SLC6A17: variants seen among roughly 807,000 people sequenced by gnomAD.
SLC6A17 encodes sodium-dependent neutral amino acid transporter SLC6A17.
In SLC6A17, 21 loss-of-function variants were observed where a neutral mutation model predicts 64.5. That is an observed-to-expected ratio of 0.33 (90% confidence interval 0.23 to 0.47). The LOEUF (loss-of-function observed/expected upper bound fraction) is 0.47, where lower values mean the gene tolerates loss of function less well. Ranked by LOEUF, SLC6A17 falls within the 20% of genes least tolerant of loss-of-function variation. SLC6A17 has a pLI of 1.00. For synonymous variants in SLC6A17, 372 were observed against 399.5 expected (o/e 0.93, Z 0.82); for missense variants, 682 against 963.2 (o/e 0.71, Z 3.86).
intron 5 of SLC6A17, 121 bp downstream of exon 5, chr1:110,175,081 C>T: frequency 8.0e-7 from 1 of 1,243,722 alleles, no homozygotes; most frequent in South Asian, 1.6e-5. Context: ...ACACAGGCCC[C>T]CAGAGGAGGG....
Position 110,167,286 on chromosome 1 carries a change from C to A in SLC6A17, c.286+71C>A. ...CGGGGATGAGGGGTAAAAAAGAACA[C>A]CCCTTTGCTGAGGCAGAACTGGAGC... On this transcript the variant is annotated intron_variant, in intron 2 of 11. Coordinates refer to ENST00000331565, the MANE Select transcript of SLC6A17 (RefSeq NM_001010898.4). The A allele has an allele frequency of 2.6e-6, 4 of 1,529,786 alleles. No homozygotes were observed. The South Asian group carries it at 3.8e-5, about 15-fold the overall frequency. 94.8% of individuals were successfully genotyped at this position (1,529,786 alleles called of 1,614,324 possible).
At chr1:110,151,073 C>A (rs778348599) in intron 1 of SLC6A17, among the ~76,000 whole-genome samples, 190 bp downstream of exon 1, 1 of 152,236 alleles carries the variant, frequency 6.6e-6, no homozygotes, top group Non-Finnish European at 1.5e-5. Context: ...GGCGACGGAG[C>A]CCCGGGGCCC....
chr1:110,176,260 CAG>C (rs1303307219), intron 5 of SLC6A17, among the ~76,000 whole-genome samples: 7 of 152,036 alleles, frequency 4.6e-5, no homozygotes, highest in Non-Finnish European at 4.4e-5. Flanking sequence ...GCTCTAAGGA[CAG>C]GGGAGATCCT....
intron 6 of SLC6A17, among the ~76,000 whole-genome samples, chr1:110,189,217 A>G (rs1033947792): frequency 6.6e-6 from 1 of 152,142 alleles, no homozygotes; most frequent in Non-Finnish European, 1.5e-5. Context: ...TTGGCATTTC[A>G]TTTTAGATGT....
intron 1 of SLC6A17, among the ~76,000 whole-genome samples, chr1:110,161,053 G>A (rs1655895004): frequency 6.6e-6 from 1 of 152,202 alleles, no homozygotes. Context: ...CAAGAAGGGT[G>A]TGGGGTCCCT....
rs1055698837 is a variant in SLC6A17 at position 110,150,876 on chromosome 1, C to T, written c.-95C>T. On this transcript the variant is annotated 5_prime_UTR_variant, in exon 1 of 12. Transcript: ENST00000331565. ...GGCCGAGTCTGCGCGACTACCCACG[C>T]GTGACAGGTGAGTCGCTGGCCGCGC... is the stretch of plus-strand genomic sequence containing the variant. The T allele has an allele frequency of 4.6e-5, 7 of 152,176 alleles. No individual in the cohort carries two copies. The highest frequency in any genetic ancestry group is 1.7e-4 in the African/African-American group (7 of 41,434). The allele number at this position is 152,176 out of a possible 1,614,324, so 9.4% of individuals were successfully genotyped here. A position where few individuals can be genotyped will look rare whatever the true frequency, so the allele number is the denominator to read the frequency against.
At chr1:110,197,957 T>G in intron 11 of SLC6A17, 119 bp from the exon 12 acceptor site, 2 of 1,476,228 alleles carry the variant, frequency 1.4e-6, no homozygotes, top group Non-Finnish European at 1.8e-6. Flanking sequence ...CTGGCCAGGA[T>G]GGTGGGAGGG....
chr1:110,195,775 G>T (rs1656948179), intron 10 of SLC6A17, 30 bp downstream of exon 10: 1 of 1,613,166 alleles, frequency 6.2e-7, no homozygotes, highest in Non-Finnish European at 8.5e-7. Flanking sequence ...AAGGTGGGAT[G>T]GGAGGAGGGG....
rs144469282 is a variant in SLC6A17 at position 110,155,593 on chromosome 1, G to T, written c.-88+4710G>T. On this transcript the variant is annotated intron_variant, in intron 1 of 11. Coordinates refer to ENST00000331565, the MANE Select transcript of SLC6A17 (RefSeq NM_001010898.4). ...ATAGAGCAGAGGAGTGAGTACCCCA[G>T]CTCACAGGCCCTGGGGTCACCTCAT... 9.1e-3 allele frequency among the ~76,000 whole-genome samples: 1,378 copies of T among 152,234 alleles called. 15 individuals are homozygous for T. The highest frequency in any genetic ancestry group is 0.032 in the African/African-American group (1,313 of 41,528).
At chr1:110,184,998 C>G (rs779097637) in intron 6 of SLC6A17, among the ~76,000 whole-genome samples, 5 of 152,010 alleles carry the variant, frequency 3.3e-5, no homozygotes, top group Non-Finnish European at 5.9e-5. Flanking sequence ...TTCTGAAGGC[C>G]CAGGGGTGGA....
intron 6 of SLC6A17, among the ~76,000 whole-genome samples, chr1:110,179,543 C>CCCCTT (rs1656463317): frequency 7.4e-6 from 1 of 134,682 alleles, no homozygotes; most frequent in Non-Finnish European, 1.6e-5. Context: ...CCCCTCCCCT[C>CCCCTT]CCCTCCCCTC....
chr1:110,178,844 A>G (rs1188872644), intron 6 of SLC6A17: 1 of 152,150 alleles, frequency 6.6e-6, no homozygotes, highest in African/African-American at 2.4e-5. Context: ...AATCTATCAC[A>G]CTGAGTATTA....
intron 6 of SLC6A17, among the ~76,000 whole-genome samples, chr1:110,179,344 G>A (rs1316679112): frequency 6.6e-6 from 1 of 152,092 alleles, no homozygotes; most frequent in Non-Finnish European, 1.5e-5. Context: ...ATTCAATGTT[G>A]ACTAAATTGC....
Position 110,192,229 on chromosome 1 carries a change from C to T in SLC6A17, c.1106+16C>T, listed in dbSNP as rs1656845689. The T allele has an allele frequency of 6.3e-7, 1 of 1,596,092 alleles. No homozygotes were observed. Among genetic ancestry groups the T allele is most frequent in the East Asian group, 2.2e-5 (1 of 44,622 alleles). ...GTGTGGTCGAGTAGGTGGCATCTCTCCTCCTGTCCCTCCTTCTCCCTGTCT... is the reference window on the plus strand; with the variant it reads ...GTGTGGTCGAGTAGGTGGCATCTCTTCTCCTGTCCCTCCTTCTCCCTGTCT... On this transcript the variant is annotated intron_variant, in intron 7 of 11. Transcript: ENST00000331565. This position sits in a 1 kb window ranked among gnomAD's most constrained non-coding sequence, Gnocchi z 4.3.
chr1:110,159,802 C>G (rs374639620), intron 1 of SLC6A17, among the ~76,000 whole-genome samples: 35 of 152,292 alleles, frequency 2.3e-4, no homozygotes, highest in African/African-American at 7.5e-4. Context: ...AATATTGCAT[C>G]AGAAAATGGA....
intron 6 of SLC6A17, among the ~76,000 whole-genome samples, chr1:110,189,407 G>T (rs577402366): frequency 6.6e-6 from 1 of 152,062 alleles, no homozygotes; most frequent in Admixed American, 6.5e-5. Context: ...AGTCCATCCC[G>T]AAGGTCTCCT....
chr1:110,158,144 C>T (rs1236300515), intron 1 of SLC6A17, among the ~76,000 whole-genome samples: 1 of 152,208 alleles, frequency 6.6e-6, no homozygotes, highest in Admixed American at 6.5e-5. Context: ...ATTATTTGCT[C>T]TGTTCTCTGT....
At chr1:110,193,226 C>T (rs1354385774) in intron 8 of SLC6A17, among the ~76,000 whole-genome samples, 1 of 152,124 alleles carries the variant, frequency 6.6e-6, no homozygotes, top group Non-Finnish European at 1.5e-5. Context: ...GGGTCCAAAT[C>T]CAGTTAGTTG....
intron 1 of SLC6A17, among the ~76,000 whole-genome samples, chr1:110,154,322 A>C (rs1655695247): frequency 6.6e-6 from 1 of 152,254 alleles, no homozygotes; most frequent in Non-Finnish European, 1.5e-5. Context: ...CTATCAGTCC[A>C]AACTTCATGT....
Sources: allele counts gnomAD v4.1 joint callset (sites outside exome capture counted in the v4.1 genomes callset), GRCh38; gene constraint gnomAD v4.1.1; non-coding constraint Gnocchi (gnomAD v3.1); transcripts MANE v1.5; gene names NCBI Gene and HGNC (gene_info 2026-07-23, HGNC 2026-07-21).